The following LRSAM1 variants were observed in gnomAD, a reference collection of about 807,000 sequenced individuals.
The protein encoded by LRSAM1 is E3 ubiquitin-protein ligase LRSAM1.
A neutral mutation model predicts 118.1 loss-of-function variants in LRSAM1; 96 were observed. The ratio of observed to expected loss-of-function variants is 0.81; its 90% CI spans 0.69 to 0.96. The LOEUF (loss-of-function observed/expected upper bound fraction) is 0.96, where lower values mean the gene tolerates loss of function less well. Among genes scored for constraint, LRSAM1 ranks in the 40% least tolerant of loss-of-function variants. The pLI, the probability that LRSAM1 is intolerant of heterozygous loss-of-function variation, is 0.00. For synonymous variants in LRSAM1, 322 were observed against 364.2 expected, an observed-to-expected ratio of 0.88 and a Z score of 1.32; for missense variants, 804 against 915.5, an observed-to-expected ratio of 0.88 and a Z score of 1.57.
At position 127,459,011 on chromosome 9, in the gene LRSAM1, T is replaced by G. The variant is rs746714138; in HGVS notation, c.261T>G (p.Asp87Glu). Residue 87 changes from aspartate to glutamate, a missense_variant, in exon 7 of 26, where the codon GAT (aspartate) becomes GAG (glutamate). Coordinates refer to ENST00000300417, the MANE Select transcript of LRSAM1 (RefSeq NM_001005373.4). ...LLSLATIKVL[D>E]LHDNQLTALP... ...GGGTCTTTCTTCTGCAGGTTCTAGA[T>G]CTCCACGATAATCAGCTGACAGCCC... 18 of 1,613,526 alleles carry G rather than the reference T, an allele frequency of 1.1e-5. No homozygotes were observed. Among genetic ancestry groups the G allele is most frequent in the East Asian group, 6.7e-5 (3 of 44,874 alleles).
chr9:127,464,970 T>A (rs1196709577), intron 9 of LRSAM1, among the ~76,000 whole-genome samples: 1 of 151,852 alleles, frequency 6.6e-6, no homozygotes, highest in Non-Finnish European at 1.5e-5. Flanking sequence ...TTGATTCCTT[T>A]AAAAAAAATC....
chr9:127,493,369 C>T (rs545756011), intron 21 of LRSAM1, among the ~76,000 whole-genome samples: 15 of 152,282 alleles, frequency 9.9e-5, no homozygotes, highest in South Asian at 6.2e-4. Flanking sequence ...GCCTCTCCTG[C>T]GGTTTTGATG....
At chr9:127,468,642 C>T (rs983664690) in intron 10 of LRSAM1, among the ~76,000 whole-genome samples, 1 of 152,028 alleles carries the variant, frequency 6.6e-6, no homozygotes, top group African/African-American at 2.4e-5. Context: ...CTTCCTTAAA[C>T]AGGAAGCAGG....
chr9:127,476,966 C>T (rs1835368911), intron 11 of LRSAM1, among the ~76,000 whole-genome samples: 4 of 152,076 alleles, frequency 2.6e-5, no homozygotes, highest in Admixed American at 6.6e-5. Context: ...CATGAGCCAC[C>T]GCGCCCAGCC....
chr9:127,488,273 T>C (rs1249545294), intron 18 of LRSAM1, among the ~76,000 whole-genome samples: 1 of 152,286 alleles, frequency 6.6e-6, no homozygotes, highest in African/African-American at 2.4e-5. Context: ...TTTGTTTTCT[T>C]TTTTTGAGAT....
chr9:127,497,222 CCA>C, intron 23 of LRSAM1, 29 bp from the exon 24 acceptor site: 1 of 1,610,492 alleles, frequency 6.2e-7, no homozygotes, highest in Non-Finnish European at 8.5e-7. Flanking sequence ...CCCGCCCAGG[CCA>C]CAGTCTGCAC....
intron 9 of LRSAM1, among the ~76,000 whole-genome samples, chr9:127,463,044 G>T (rs1834807184): frequency 6.6e-6 from 1 of 151,456 alleles, no homozygotes; most frequent in African/African-American, 2.4e-5. Context: ...AAAAATACAA[G>T]AAATTATCCA....
intron 22 of LRSAM1, 82 bp downstream of exon 22, chr9:127,495,500 C>A: frequency 8.7e-7 from 1 of 1,156,024 alleles, no homozygotes; most frequent in South Asian, 1.2e-5. Flanking sequence ...CCACCATGCT[C>A]TGCCTCTTGT....
chr9:127,456,180 AAAGT>A (rs1486656450), intron 5 of LRSAM1, among the ~76,000 whole-genome samples: 1 of 149,832 alleles, frequency 6.7e-6, no homozygotes, highest in Non-Finnish European at 1.5e-5. Context: ...AAAAAAAAAA[AAAGT>A]GTTCCCTGCC....
In LRSAM1 at chr9:127,497,372, C is replaced by T. The variant is rs768759548; in HGVS notation, c.1912+38C>T. 8 of 1,590,510 alleles carry T rather than the reference C, an allele frequency of 5.0e-6. No homozygotes were observed. The African/African-American group carries it at 1.1e-4, about 21-fold the overall frequency. ...CTCCAGCCTCTTCCAGGCAGGGCTC[C>T]AGCCGTATGTGTGGGCTCTGGTGGG... On this transcript the variant is annotated intron_variant, in intron 24 of 25. Coordinates refer to ENST00000300417, the MANE Select transcript of LRSAM1 (RefSeq NM_001005373.4).
At chr9:127,459,213 T>TG (rs1436538566) in intron 7 of LRSAM1, 142 bp downstream of exon 7, 20 of 723,474 alleles carry the variant, frequency 2.8e-5, no homozygotes, top group Non-Finnish European at 3.9e-5. Context: ...CTTGGCCCTT[T>TG]GGGGTTTTTT....
intron 4 of LRSAM1, 70 bp from the exon 5 acceptor site, chr9:127,455,506 A>T: frequency 1.3e-6 from 2 of 1,493,500 alleles, no homozygotes; most frequent in Non-Finnish European, 1.9e-6. Flanking sequence ...TCCTCACGTG[A>T]ATGCCACTCA....
At chr9:127,482,383 TC>T (rs1469431796) in intron 15 of LRSAM1, among the ~76,000 whole-genome samples, 1 of 152,142 alleles carries the variant, frequency 6.6e-6, no homozygotes, top group Non-Finnish European at 1.5e-5. Flanking sequence ...CCTCAAGTCA[TC>T]CGCCTGCCTC....
At chr9:127,455,458 T>C in intron 4 of LRSAM1, 118 bp from the exon 5 acceptor site, 1 of 1,003,584 alleles carries the variant, frequency 1.0e-6, no homozygotes, top group Non-Finnish European at 1.6e-6. Flanking sequence ...TGCCACCTGC[T>C]GTGGCGTTTT....
At chr9:127,454,689 C>A in intron 3 of LRSAM1, 90 bp downstream of exon 3, 1 of 1,340,684 alleles carries the variant, frequency 7.5e-7, no homozygotes, top group Non-Finnish European at 1.1e-6. Context: ...ACAAGCCGTG[C>A]TCCTTCCCAT....
At chr9:127,491,933 G>A (rs560676962) in intron 20 of LRSAM1, among the ~76,000 whole-genome samples, 92 of 152,324 alleles carry the variant, frequency 6.0e-4, no homozygotes, top group African/African-American at 2.2e-3. Context: ...AGCTGCAGAC[G>A]GAGGGCTGGA....
intron 10 of LRSAM1, among the ~76,000 whole-genome samples, chr9:127,468,212 G>A (rs1308962785): frequency 6.6e-6 from 1 of 152,110 alleles, no homozygotes; most frequent in Non-Finnish European, 1.5e-5. Context: ...CTGGAGGGAG[G>A]AAGCAGAGAG....
intron 20 of LRSAM1, 140 bp from the exon 21 acceptor site, chr9:127,492,662 G>C: frequency 1.3e-6 from 1 of 767,648 alleles, no homozygotes; most frequent in Non-Finnish European, 2.2e-6. Context: ...GGGCCTCTTA[G>C]CTTTGTCCCC....
chr9:127,463,036 A>AGT, intron 9 of LRSAM1, among the ~76,000 whole-genome samples: 1 of 151,862 alleles, frequency 6.6e-6, no homozygotes, highest in South Asian at 2.1e-4. Context: ...TCTCTACTAA[A>AGT]AATACAAGAA....
Sources: gnomAD v4.1 joint callset for allele counts (sites outside exome capture counted in the v4.1 genomes callset) on GRCh38, gnomAD v4.1.1 for gene constraint, MANE v1.5 for transcripts, NCBI Gene and HGNC (gene_info 2026-07-23, HGNC 2026-07-21) for gene names.